Variants in TRPM8 observed in about 807,000 individuals in gnomAD.
The protein encoded by TRPM8 is TRPM8 cationic channel.
A neutral mutation model predicts 133.7 loss-of-function variants in TRPM8; 110 were observed. The ratio of observed to expected loss-of-function variants is 0.82; its 90% CI spans 0.70 to 0.96. The LOEUF (loss-of-function observed/expected upper bound fraction) is 0.96. TRPM8 is among the 40% of genes least tolerant of loss of function. The probability of loss-of-function intolerance (pLI) is 0.00; values close to 1 mark genes in which losing one functional copy is unlikely to be tolerated. For missense variants in TRPM8, 1,291 were observed against 1,379.5 expected (o/e 0.94, Z 1.02); for synonymous variants, 535 against 532.3 (o/e 1.01, Z -0.07).
chr2:233,924,212 G>A (rs187505109), intron 1 of TRPM8, among the ~76,000 whole-genome samples: 2 of 152,322 alleles, frequency 1.3e-5, no homozygotes, highest in Admixed American at 6.5e-5. Context: ...GCTGGGCATG[G>A]ACATCCCAGC....
At chr2:234,010,620 T>C (rs2125406027) in intron 24 of TRPM8, among the ~76,000 whole-genome samples, 1 of 152,322 alleles carries the variant, frequency 6.6e-6, no homozygotes, top group Admixed American at 6.5e-5. Context: ...AGAGTTCGCC[T>C]TTTCCCACCT....
intron 2 of TRPM8, among the ~76,000 whole-genome samples, chr2:233,928,404 T>C (rs1380362697): frequency 6.7e-6 from 1 of 149,514 alleles, no homozygotes; most frequent in Non-Finnish European, 1.5e-5. Context: ...CAAGAGCATC[T>C]CAGTTCTGGG....
intron 24 of TRPM8, among the ~76,000 whole-genome samples, chr2:234,010,673 G>A (rs28901884): frequency 0.039 from 5,912 of 152,096 alleles, 232 homozygotes; most frequent in Admixed American, 0.083. Flanking sequence ...AATAAGCGTC[G>A]TAACAGGTGT....
chr2:234,005,924 A>G (rs945965267), intron 22 of TRPM8, among the ~76,000 whole-genome samples: 4 of 131,392 alleles, frequency 3.0e-5, no homozygotes, highest in African/African-American at 8.7e-5. Context: ...GCGAAACGTC[A>G]TCTACACACA....
At chr2:233,963,440 C>T in intron 13 of TRPM8, 63 bp downstream of exon 13, 1 of 1,034,104 alleles carries the variant, frequency 9.7e-7, no homozygotes, top group Admixed American at 2.2e-5. Context: ...CAGTTCTGAT[C>T]CTCTCAAAAT....
intron 17 of TRPM8, among the ~76,000 whole-genome samples, chr2:233,978,652 T>A (rs1320366751): frequency 6.6e-6 from 1 of 152,222 alleles, no homozygotes; most frequent in Non-Finnish European, 1.5e-5. Flanking sequence ...TATTCAATAT[T>A]CCTTGAATGA....
intron 11 of TRPM8, among the ~76,000 whole-genome samples, chr2:233,960,397 C>G (rs1415287694): frequency 6.6e-6 from 1 of 152,162 alleles, no homozygotes; most frequent in Non-Finnish European, 1.5e-5. Context: ...AGCTCTACTA[C>G]TACCTCCACA....
At chr2:234,010,774 T>C (rs1488307896) in intron 24 of TRPM8, among the ~76,000 whole-genome samples, 1 of 152,230 alleles carries the variant, frequency 6.6e-6, no homozygotes, top group Non-Finnish European at 1.5e-5. Context: ...ATTTGAATTT[T>C]TTCTTTTGAG....
chr2:233,930,839 A>C (rs182137478), intron 3 of TRPM8, 98 bp downstream of exon 3: 97 of 750,826 alleles, frequency 1.3e-4, no homozygotes, highest in Non-Finnish European at 2.0e-4. Flanking sequence ...ATTATTAAAG[A>C]TGTCTTCGTC....
intron 4 of TRPM8, among the ~76,000 whole-genome samples, chr2:233,938,499 C>G (rs1370861876): frequency 6.6e-6 from 1 of 152,210 alleles, no homozygotes; most frequent in African/African-American, 2.4e-5. Context: ...TGGTTTCATA[C>G]ATTTTAGGGA....
At chr2:233,919,160 C>T (rs1330979130) in intron 1 of TRPM8, among the ~76,000 whole-genome samples, 2 of 143,660 alleles carry the variant, frequency 1.4e-5, no homozygotes, top group Non-Finnish European at 1.5e-5. Context: ...TAAAACATGC[C>T]AGAAGCCTTT....
chr2:233,985,373 C>T (rs1692119946), intron 20 of TRPM8, among the ~76,000 whole-genome samples: 1 of 152,218 alleles, frequency 6.6e-6, no homozygotes, highest in Non-Finnish European at 1.5e-5. Flanking sequence ...TGGACTGAGA[C>T]TTTAAATGTG....
intron 13 of TRPM8, 124 bp downstream of exon 13, chr2:233,963,501 G>A: frequency 1.6e-6 from 1 of 610,784 alleles, no homozygotes; most frequent in Admixed American, 2.8e-5. Context: ...TCTGAGTTCA[G>A]ATGAACATGG....
chr2:233,972,784 G>A (rs1377063605), intron 17 of TRPM8, among the ~76,000 whole-genome samples: 9 of 152,156 alleles, frequency 5.9e-5, no homozygotes, highest in Admixed American at 3.9e-4. Context: ...CCAAGCCCAC[G>A]CCCACCCGGA....
chr2:233,984,172 C>T (rs1001832954), intron 20 of TRPM8, among the ~76,000 whole-genome samples: 10 of 152,128 alleles, frequency 6.6e-5, no homozygotes, highest in African/African-American at 2.2e-4. Context: ...GCTGTGTGCC[C>T]CCGGGAAGTG....
intron 3 of TRPM8, among the ~76,000 whole-genome samples, chr2:233,931,342 T>C (rs1691676006): frequency 6.6e-6 from 1 of 152,224 alleles, no homozygotes; most frequent in South Asian, 2.1e-4. Flanking sequence ...TAAACAATTT[T>C]CGTCCTACCT....
intron 21 of TRPM8, among the ~76,000 whole-genome samples, chr2:233,994,216 G>A (rs925525760): frequency 6.6e-6 from 1 of 152,184 alleles, no homozygotes; most frequent in Non-Finnish European, 1.5e-5. Context: ...CGTTGCAGCC[G>A]CAGAAACATG....
chr2:234,000,743 G>A (rs6431650), intron 22 of TRPM8, among the ~76,000 whole-genome samples: 109,909 of 151,260 alleles, frequency 0.73, 40,275 homozygotes, highest in African/African-American at 0.81. Context: ...CAGTGGCGCA[G>A]TCTCGGCTCT....
intron 25 of TRPM8, 32 bp from the exon 26 acceptor site, chr2:234,017,267 C>T (rs1215793171): frequency 4.3e-6 from 2 of 469,820 alleles, no homozygotes; most frequent in Non-Finnish European, 8.8e-6. Flanking sequence ...GAAATCTATT[C>T]TTAACACAGT....
Sources: gnomAD v4.1 joint callset for allele counts (sites outside exome capture counted in the v4.1 genomes callset) on GRCh38, gnomAD v4.1.1 for gene constraint, MANE v1.5 for transcripts, NCBI Gene and HGNC (gene_info 2026-07-23, HGNC 2026-07-21) for gene names.